Variants in CDNF observed in about 807,000 individuals in gnomAD.
The protein encoded by CDNF is ARMET-like protein 1.
CDNF carries 9 observed loss-of-function variants against 14.8 expected under a neutral mutation model. The observed-to-expected ratio is 0.61, with a 90% confidence interval of 0.37 to 1.06. The LOEUF (loss-of-function observed/expected upper bound fraction) is 1.06. Among genes scored for constraint, CDNF ranks in the 50% least tolerant of loss-of-function variants. CDNF has a pLI of 0.01. For missense variants in CDNF, 228 were observed against 228.4 expected (o/e 1.00, Z 0.01); for synonymous variants, 86 against 87.2 (o/e 0.99, Z 0.07).
At chr10:14,835,672 TTAAAA>T (rs1372161141) in intron 1 of CDNF, among the ~76,000 whole-genome samples, 1 of 152,218 alleles carries the variant, frequency 6.6e-6, no homozygotes, top group African/African-American at 2.4e-5. Context: ...TATAATTATT[TTAAAA>T]TAAAAAGTTA....
chr10:14,821,444 C>T (rs79925145), intron 3 of CDNF, among the ~76,000 whole-genome samples: 9,684 of 152,190 alleles, frequency 0.064, 462 homozygotes, highest in South Asian at 0.21. Context: ...TACAGCAATG[C>T]GGGAACAGAC....
intron 1 of CDNF, among the ~76,000 whole-genome samples, chr10:14,828,844 A>G (rs1338232163): frequency 8.4e-6 from 1 of 118,526 alleles, no homozygotes; most frequent in East Asian, 2.2e-4. Context: ...TGTCTCTACT[A>G]AAAAAAAAAC....
intron 3 of CDNF, among the ~76,000 whole-genome samples, chr10:14,823,797 G>A (rs749958308): frequency 6.6e-6 from 1 of 152,212 alleles, no homozygotes; most frequent in Non-Finnish European, 1.5e-5. Context: ...AAAGTGCTGA[G>A]GTTACAAGTG....
At chr10:14,831,270 C>T (rs1833841241) in intron 1 of CDNF, among the ~76,000 whole-genome samples, 1 of 152,126 alleles carries the variant, frequency 6.6e-6, no homozygotes, top group Non-Finnish European at 1.5e-5. Context: ...ACCTGGCTAA[C>T]AAATGCTCCC....
chr10:14,824,959 AT>A (rs34069430), intron 3 of CDNF, among the ~76,000 whole-genome samples: 1,603 of 145,354 alleles, frequency 0.011, 26 homozygotes, highest in African/African-American at 0.037. Flanking sequence ...TTCAGTGGCA[AT>A]TTTTTTTTTT....
intron 2 of CDNF, among the ~76,000 whole-genome samples, chr10:14,826,143 GAGAAGGAGAAGA>G (rs1833787312): frequency 7.4e-6 from 1 of 135,718 alleles, no homozygotes; most frequent in Non-Finnish European, 1.5e-5. Flanking sequence ...GAAGGAGAAG[GAGAAGGAGAAGA>G]AGAAGAAGAA....
intron 1 of CDNF, chr10:14,836,384 C>T (rs1833886764): frequency 6.6e-6 from 1 of 152,228 alleles, no homozygotes; most frequent in Admixed American, 6.5e-5. Flanking sequence ...ATAAGCTTCC[C>T]ATTTAATTAA....
chr10:14,827,217 G>A (rs976304802), intron 2 of CDNF, among the ~76,000 whole-genome samples: 2 of 152,152 alleles, frequency 1.3e-5, no homozygotes, highest in African/African-American at 2.4e-5. Context: ...GTGACAGAGG[G>A]AGACCCTGTC....
At chr10:14,825,393 A>T in intron 3 of CDNF, 86 bp downstream of exon 3, 2 of 1,354,960 alleles carry the variant, frequency 1.5e-6, no homozygotes, top group Non-Finnish European at 1.0e-6. Context: ...TCCTTTTAAC[A>T]CTGAATTTTT....
intron 3 of CDNF, among the ~76,000 whole-genome samples, chr10:14,822,470 G>A (rs1463311763): frequency 6.6e-6 from 1 of 152,098 alleles, no homozygotes; most frequent in Non-Finnish European, 1.5e-5. Context: ...CAGCATCTCA[G>A]GAGGCTGAGG....
intron 1 of CDNF, among the ~76,000 whole-genome samples, chr10:14,832,588 T>C (rs1002876931): frequency 6.6e-6 from 1 of 152,178 alleles, no homozygotes; most frequent in Non-Finnish European, 1.5e-5. Context: ...CTCAAAATAG[T>C]TGCATCTCTT....
chr10:14,831,184 C>A (rs74124736), intron 1 of CDNF, among the ~76,000 whole-genome samples: 206 of 152,194 alleles, frequency 1.4e-3, no homozygotes, highest in African/African-American at 4.7e-3. Context: ...AGAGGATCTG[C>A]TCTCACTCTC....
chr10:14,826,029 GAGAAGAAGA>G (rs57619992), intron 2 of CDNF, among the ~76,000 whole-genome samples: 6,272 of 85,838 alleles, frequency 0.073, 245 homozygotes, highest in Middle Eastern at 0.097. Flanking sequence ...GAAGAAGAAG[GAGAAGAAGA>G]AGAAGAAGAA....
At chr10:14,826,461 A>AAAGAAGCAGAAGAAG (rs1554764097) in intron 2 of CDNF, among the ~76,000 whole-genome samples, 8,385 of 143,656 alleles carry the variant, frequency 0.058, 309 homozygotes, top group East Asian at 0.12. Flanking sequence ...GCAGAAGAAG[A>AAAGAAGCAGAAGAAG]AAGAAGCAGA....
Position 14,820,039 on chromosome 10 carries a change from T to C in CDNF, c.505A>G (p.Asn169Asp), listed in dbSNP as rs1171711614. The C allele has an allele frequency of 1.1e-5, 17 of 1,614,012 alleles. No individual in the cohort carries two copies. Among genetic ancestry groups the C allele is most frequent in the Non-Finnish European group, 1.4e-5 (16 of 1,180,042 alleles). Residue 169 changes from asparagine to aspartate, a missense_variant, in exon 4 of 4, where the codon AAT (asparagine) becomes GAT (aspartate). By Grantham distance (23) the Asn-to-Asp change is conservative. Transcript: ENST00000465530. ...TTGGGGGCCAGCTCTTGAATGAGAT[T>C]CACATAGTCAGTTTTTTCTGCACAG... is the stretch of plus-strand genomic sequence containing the variant. The part of the protein sequence containing the change: ...RACAEKTDYV[N>D]LIQELAPKYA...
In CDNF at chr10:14,835,500, G is replaced by A. The variant is rs573771712; in HGVS notation, c.115+2332C>T. 3.9e-5 allele frequency among the ~76,000 whole-genome samples: 6 copies of A among 152,288 alleles called. No homozygotes were observed. The South Asian group carries it at 6.2e-4, about 16-fold the overall frequency. On this transcript the variant is annotated intron_variant, in intron 1 of 3. Coordinates refer to ENST00000465530, the MANE Select transcript of CDNF (RefSeq NM_001029954.3). ...GGTAAGAAAGGAAACTCATTTTCTG[G>A]ACTTACATGAAGAGAATAACCTCAC...
intron 3 of CDNF, 135 bp downstream of exon 3, chr10:14,825,344 C>A: frequency 1.2e-6 from 1 of 818,262 alleles, no homozygotes. Flanking sequence ...AGGTACCATT[C>A]ATCAGCCAAG....
chr10:14,830,074 A>G (rs1478966372), intron 1 of CDNF, among the ~76,000 whole-genome samples: 1 of 152,168 alleles, frequency 6.6e-6, no homozygotes, highest in East Asian at 1.9e-4. Context: ...AAGGAGCATT[A>G]TTTCCAGTAA....
At chr10:14,836,632 A>C (rs1319363602) in intron 1 of CDNF, among the ~76,000 whole-genome samples, 1 of 152,268 alleles carries the variant, frequency 6.6e-6, no homozygotes, top group African/African-American at 2.4e-5. Flanking sequence ...GCCAGGCTCC[A>C]ATTATTAACA....
Sources: gnomAD v4.1 joint callset for allele counts (sites outside exome capture counted in the v4.1 genomes callset) on GRCh38, gnomAD v4.1.1 for gene constraint, MANE v1.5 for transcripts, NCBI Gene and HGNC (gene_info 2026-07-23, HGNC 2026-07-21) for gene names.